DOCK3: variants seen among roughly 807,000 people sequenced by gnomAD.
DOCK3 encodes the protein dedicator of cytokinesis 3.
In DOCK3, 60 loss-of-function variants were observed where a neutral mutation model predicts 265.6. The ratio of observed to expected loss-of-function variants is 0.23; its 90% CI spans 0.18 to 0.28. DOCK3 has a LOEUF of 0.28. Ranked by LOEUF, DOCK3 falls within the 10% of genes least tolerant of loss-of-function variation. The pLI is 1.00. For synonymous variants in DOCK3, 881 were observed against 938.0 expected, an observed-to-expected ratio of 0.94 and a Z score of 1.11; for missense variants, 1,981 against 2,594.3, an observed-to-expected ratio of 0.76 and a Z score of 5.14.
At chr3:50,964,880 C>A (rs73081190) in intron 5 of DOCK3, among the ~76,000 whole-genome samples, 1 of 151,918 alleles carries the variant, frequency 6.6e-6, no homozygotes, top group African/African-American at 2.4e-5. Flanking sequence ...ATAAGGATAA[C>A]AAGAGCTCTC....
rs1399056611 is a variant in DOCK3 at position 50,886,208 on chromosome 3, A to ATATATATATATG, written c.163-3817_163-3816insATATATATATGT. On this transcript the variant is annotated intron_variant, in intron 3 of 52. Coordinates refer to ENST00000266037, the MANE Select transcript of DOCK3 (RefSeq NM_004947.5). ...TGGAGATATATATATATATATATAT[A>ATATATATATATG]TTCCAGAGTTTTTAGGTATGCACTA... Among the ~76,000 whole-genome samples, 196 of 136,908 alleles carry ATATATATATATG rather than the reference A, an allele frequency of 1.4e-3. 9 individuals carry two copies. The highest frequency in any genetic ancestry group is 6.6e-3 in the Admixed American group (89 of 13,448). The allele number at this position is 136,908 out of a possible 152,430, so 89.8% of individuals were successfully genotyped here. A position where few individuals can be genotyped will look rare whatever the true frequency, so the allele number is the denominator to read the frequency against.
At chr3:51,170,748 T>C (rs1298299855) in intron 12 of DOCK3, among the ~76,000 whole-genome samples, 1 of 152,000 alleles carries the variant, frequency 6.6e-6, no homozygotes, top group African/African-American at 2.4e-5. Context: ...ATCAGGACCA[T>C]CCTGGCCAAC....
intron 46 of DOCK3, among the ~76,000 whole-genome samples, chr3:51,358,527 A>G (rs917704002): frequency 6.6e-6 from 1 of 151,306 alleles, no homozygotes; most frequent in African/African-American, 2.4e-5. Context: ...TCCTCCCTCT[A>G]ATCGTTCTCT....
At chr3:50,731,675 T>C (rs1297134755) in intron 1 of DOCK3, among the ~76,000 whole-genome samples, 1 of 152,204 alleles carries the variant, frequency 6.6e-6, no homozygotes, top group Non-Finnish European at 1.5e-5. Flanking sequence ...CACCATTTAT[T>C]ATGAAAAGAG....
At chr3:51,227,251 A>G in intron 15 of DOCK3, 32 bp from the exon 16 acceptor site, 2 of 1,607,568 alleles carry the variant, frequency 1.2e-6, no homozygotes, top group Non-Finnish European at 1.7e-6. Context: ...CCTACCAGGA[A>G]GATGACATCT....
In DOCK3 at chr3:51,315,631, C is replaced by G. The variant is rs182716312; in HGVS notation, c.3402+503C>G. Among the ~76,000 whole-genome samples the G allele has an allele frequency of 2.8e-3, 428 of 152,244 alleles. 6 individuals carry two copies. The highest frequency in any genetic ancestry group is 9.4e-3 in the African/African-American group (390 of 41,552). ...TCCTCCTGTGTAGTTCTTTTGCCAC[C>G]ACTAAGTGTAGGAGATGGCCCCTGC... On this transcript the variant is annotated intron_variant, in intron 32 of 52. Coordinates refer to ENST00000266037, the MANE Select transcript of DOCK3 (RefSeq NM_004947.5).
intron 1 of DOCK3, among the ~76,000 whole-genome samples, chr3:50,774,027 G>A (rs1252017248): frequency 1.3e-5 from 2 of 151,970 alleles, no homozygotes; most frequent in African/African-American, 4.8e-5. Flanking sequence ...TGCAAATATA[G>A]CCAAATATTC....
intron 40 of DOCK3, among the ~76,000 whole-genome samples, chr3:51,350,727 ACT>A (rs1463466946): frequency 2.0e-5 from 3 of 151,894 alleles, no homozygotes; most frequent in Non-Finnish European, 4.4e-5. Flanking sequence ...CTCCATTGTG[ACT>A]CTTCTCAGCC....
chr3:51,329,923 C>G (rs2084406452), intron 32 of DOCK3, among the ~76,000 whole-genome samples: 1 of 152,160 alleles, frequency 6.6e-6, no homozygotes, highest in South Asian at 2.1e-4. Flanking sequence ...AGTCCTATCT[C>G]TTTTTCAAAC....
intron 5 of DOCK3, among the ~76,000 whole-genome samples, chr3:50,997,214 G>T (rs1260325009): frequency 6.6e-6 from 1 of 152,050 alleles, no homozygotes; most frequent in Non-Finnish European, 1.5e-5. Context: ...TTTACCTAAT[G>T]AATTTTCATT....
chr3:51,009,912 A>G (rs2078872973), intron 5 of DOCK3, among the ~76,000 whole-genome samples: 1 of 152,192 alleles, frequency 6.6e-6, no homozygotes, highest in Non-Finnish European at 1.5e-5. Context: ...TTCAGTTTCC[A>G]TGTAGTTGAG....
chr3:51,074,537 A>G (rs1450949896), intron 6 of DOCK3, among the ~76,000 whole-genome samples: 4 of 152,186 alleles, frequency 2.6e-5, no homozygotes, highest in African/African-American at 7.2e-5. Context: ...TTCTTAAAAT[A>G]TTGGTGCTAA....
chr3:50,778,770 C>T lies in DOCK3; in HGVS notation c.121+12C>T. 1 of 1,541,596 alleles carries T rather than the reference C, an allele frequency of 6.5e-7. No individual in the cohort carries two copies. Among genetic ancestry groups the T allele is most frequent in the Non-Finnish European group, 8.8e-7 (1 of 1,133,396 alleles). ...TGAAAAATGTGAAGGTGAGTATGGA[C>T]CTACAAAGCACATAAATTGTGATCA... On this transcript the variant is annotated intron_variant, in intron 2 of 52. Coordinates refer to ENST00000266037, the MANE Select transcript of DOCK3 (RefSeq NM_004947.5).
At chr3:50,757,656 A>C (rs1016966921) in intron 1 of DOCK3, among the ~76,000 whole-genome samples, 1 of 151,880 alleles carries the variant, frequency 6.6e-6, no homozygotes, top group African/African-American at 2.4e-5. Flanking sequence ...TTTATTGCTT[A>C]TGTTCTTGGT....
At chr3:50,995,115 GTTTTTATAT>G (rs148753322) in intron 5 of DOCK3, among the ~76,000 whole-genome samples, 4,098 of 152,174 alleles carry the variant, frequency 0.027, 73 homozygotes, top group South Asian at 0.046. Flanking sequence ...TTAATACAGT[GTTTTTATAT>G]TTATATGTAC....
chr3:51,111,484 G>A (rs1231275708), intron 9 of DOCK3, among the ~76,000 whole-genome samples: 1 of 152,174 alleles, frequency 6.6e-6, no homozygotes, highest in Non-Finnish European at 1.5e-5. Context: ...ATGGGGAAAT[G>A]ATTCCTTATT....
At chr3:50,935,116 G>T (rs2051284384) in intron 5 of DOCK3, among the ~76,000 whole-genome samples, 1 of 152,014 alleles carries the variant, frequency 6.6e-6, no homozygotes, top group Admixed American at 6.5e-5. Flanking sequence ...AATGCTAGTG[G>T]GTAGAAACCA....
intron 21 of DOCK3, among the ~76,000 whole-genome samples, chr3:51,244,199 A>C (rs745477890): frequency 2.1e-5 from 3 of 142,390 alleles, no homozygotes; most frequent in Non-Finnish European, 3.0e-5. Context: ...GTCACTTGTG[A>C]TTCCATATTA....
intron 9 of DOCK3, among the ~76,000 whole-genome samples, chr3:51,098,411 A>G (rs2082952810): frequency 6.6e-6 from 1 of 152,170 alleles, no homozygotes; most frequent in South Asian, 2.1e-4. Flanking sequence ...ACCTTGCATA[A>G]ACTAAACTTT....
Sources: gnomAD v4.1 joint callset for allele counts (sites outside exome capture counted in the v4.1 genomes callset) on GRCh38, gnomAD v4.1.1 for gene constraint, MANE v1.5 for transcripts, NCBI Gene and HGNC (gene_info 2026-07-23, HGNC 2026-07-21) for gene names.